The following FRMD6 variants were observed in gnomAD, a reference collection of about 807,000 sequenced individuals.
The protein encoded by FRMD6 is FERM domain-containing protein 6.
In FRMD6, 37 loss-of-function variants were observed where a neutral mutation model predicts 73.2. The observed-to-expected ratio is 0.51, with a 90% CI of 0.39 to 0.66. FRMD6 has a LOEUF of 0.66. FRMD6 is among the 30% of genes least tolerant of loss of function. The probability of loss-of-function intolerance (pLI) is 0.00; values close to 1 mark genes in which losing one functional copy is unlikely to be tolerated. For synonymous variants in FRMD6, 273 were observed against 282.2 expected (o/e 0.97, Z 0.33); for missense variants, 714 against 780.5 (o/e 0.91, Z 1.02).
intron 2 of FRMD6, among the ~76,000 whole-genome samples, chr14:51,584,632 G>A (rs1017572613): frequency 6.6e-6 from 1 of 152,126 alleles, no homozygotes; most frequent in African/African-American, 2.4e-5. Context: ...TTAATCAGTT[G>A]CCACCATCAT....
At chr14:51,412,293 G>A in the FRMD6 span, among the ~76,000 whole-genome samples, 1 of 152,096 alleles carries the variant, frequency 6.6e-6, no homozygotes, top group African/African-American at 2.4e-5. Flanking sequence ...TAGCGATTCT[G>A]TGGATAATTT....
At chr14:51,577,594 T>A (rs1442415307) in intron 2 of FRMD6, among the ~76,000 whole-genome samples, 1 of 152,140 alleles carries the variant, frequency 6.6e-6, no homozygotes, top group Non-Finnish European at 1.5e-5. Flanking sequence ...ATCTGGATAA[T>A]TGGTACATTT....
At chr14:51,499,471 C>T (rs1017927494) in intron 1 of FRMD6, among the ~76,000 whole-genome samples, 1 of 152,226 alleles carries the variant, frequency 6.6e-6, no homozygotes, top group Non-Finnish European at 1.5e-5. Flanking sequence ...GCTTCAACTA[C>T]ATTAACTTAT....
chr14:51,610,988 T>C (rs949768154), intron 2 of FRMD6, among the ~76,000 whole-genome samples: 2 of 152,050 alleles, frequency 1.3e-5, no homozygotes, highest in African/African-American at 4.8e-5. Context: ...TAAGAGAAAT[T>C]GGATGTGGGT....
At chr14:51,686,733 A>G (rs1895181375) in intron 1 of FRMD6, among the ~76,000 whole-genome samples, 1 of 152,066 alleles carries the variant, frequency 6.6e-6, no homozygotes, top group African/African-American at 2.4e-5. Context: ...TCCTCCTGGG[A>G]CTGAGTTGAG....
intron 1 of FRMD6, chr14:51,522,803 G>GGGGGGCC (rs1885023632): frequency 6.6e-6 from 1 of 152,076 alleles, no homozygotes; most frequent in Non-Finnish European, 1.5e-5. Flanking sequence ...TCCTACTTTG[G>GGGGGGCC]ACAAAGTTAA....
the FRMD6 span, among the ~76,000 whole-genome samples, chr14:51,401,079 A>G: frequency 6.6e-6 from 1 of 152,226 alleles, no homozygotes; most frequent in African/African-American, 2.4e-5. Flanking sequence ...GGTTTTCCTG[A>G]ATTTTTAAGT....
the FRMD6 span, among the ~76,000 whole-genome samples, chr14:51,435,502 T>C: frequency 6.6e-6 from 1 of 152,020 alleles, no homozygotes; most frequent in African/African-American, 2.4e-5. Flanking sequence ...CAAGTAAACA[T>C]TTGCTTTTTA....
At chr14:51,657,278 A>G (rs909569138) in intron 1 of FRMD6, among the ~76,000 whole-genome samples, 2 of 152,122 alleles carry the variant, frequency 1.3e-5, no homozygotes, top group Admixed American at 1.3e-4. Context: ...ACACAACCAG[A>G]CAAATGCACA....
intron 1 of FRMD6, among the ~76,000 whole-genome samples, chr14:51,497,758 G>A (rs896185906): frequency 6.6e-6 from 1 of 152,130 alleles, no homozygotes; most frequent in African/African-American, 2.4e-5. Context: ...ATCTCAATTT[G>A]GACTAGCCAT....
At chr14:51,618,338 G>A (rs906753536) in intron 2 of FRMD6, among the ~76,000 whole-genome samples, 3 of 152,106 alleles carry the variant, frequency 2.0e-5, no homozygotes, top group African/African-American at 7.2e-5. Context: ...AGTGTAGAGA[G>A]CCAAGGGAAA....
At chr14:51,691,588 ATT>A (rs758677611) in intron 2 of FRMD6, among the ~76,000 whole-genome samples, 795 of 75,088 alleles carry the variant, frequency 0.011, 2 homozygotes, top group African/African-American at 0.033. Context: ...TTTGATTTTG[ATT>A]TTTTTTTTTT....
chr14:51,485,136 G>A (rs975291256), upstream of FRMD6, among the ~76,000 whole-genome samples: 23 of 152,182 alleles, frequency 1.5e-4, no homozygotes, highest in South Asian at 1.0e-3. Flanking sequence ...CTTTTAAGGC[G>A]TCTAAGAACA....
intron 5 of FRMD6, 67 bp downstream of exon 5, chr14:51,702,655 A>G: frequency 1.7e-6 from 2 of 1,210,650 alleles, no homozygotes; most frequent in Non-Finnish European, 2.4e-6. Flanking sequence ...AACATACCAA[A>G]TAAGTTACGT....
At chr14:51,500,082 A>G (rs189643167) in intron 1 of FRMD6, among the ~76,000 whole-genome samples, 39 of 152,316 alleles carry the variant, frequency 2.6e-4, no homozygotes, top group African/African-American at 9.4e-4. Flanking sequence ...GCAGGGTGAC[A>G]AAAAGAAGCA....
chr14:51,475,834 A>G, the FRMD6 span, among the ~76,000 whole-genome samples: 1 of 152,216 alleles, frequency 6.6e-6, no homozygotes, highest in East Asian at 1.9e-4. Flanking sequence ...TGTAAATTTA[A>G]GATGGAGAAA....
the FRMD6 span, among the ~76,000 whole-genome samples, chr14:51,446,087 A>G: frequency 2.0e-4 from 31 of 152,336 alleles, no homozygotes; most frequent in Admixed American, 1.4e-3. Context: ...TGCAGAGCCC[A>G]TTCTTAGCTT....
At chr14:51,640,843 A>G (rs1891777598) in intron 2 of FRMD6, among the ~76,000 whole-genome samples, 1 of 152,230 alleles carries the variant, frequency 6.6e-6, no homozygotes, top group African/African-American at 2.4e-5. Flanking sequence ...TATTAAATAT[A>G]TTTCTACTAA....
intron 1 of FRMD6, among the ~76,000 whole-genome samples, chr14:51,552,172 T>C (rs1207430596): frequency 6.6e-6 from 1 of 152,246 alleles, no homozygotes; most frequent in Non-Finnish European, 1.5e-5. Context: ...GATAAATTGT[T>C]ATGAAAAGTT....
Sources: allele counts gnomAD v4.1 joint callset (sites outside exome capture counted in the v4.1 genomes callset), GRCh38; gene constraint gnomAD v4.1.1; transcripts MANE v1.5; gene names NCBI Gene and HGNC (gene_info 2026-07-23, HGNC 2026-07-21).